The following ROR1 variants were observed in gnomAD, a reference collection of about 807,000 sequenced individuals.
ROR1 encodes the protein inactive tyrosine-protein kinase transmembrane receptor ROR1.
Under a neutral mutation model 78.8 loss-of-function variants are expected in ROR1, and 19 were observed. That is an observed-to-expected ratio of 0.24 (90% CI 0.17 to 0.35). The LOEUF (loss-of-function observed/expected upper bound fraction) is 0.35. Ranked by LOEUF, ROR1 falls within the 10% of genes least tolerant of loss-of-function variation. The pLI is 1.00. For missense variants in ROR1, 917 were observed against 1,177.8 expected, an observed-to-expected ratio of 0.78 and a Z score of 3.24; for synonymous variants, 386 against 433.6, an observed-to-expected ratio of 0.89 and a Z score of 1.36.
At chr1:63,800,436 A>T (rs1644789243) in intron 1 of ROR1, among the ~76,000 whole-genome samples, 1 of 152,202 alleles carries the variant, frequency 6.6e-6, no homozygotes, top group South Asian at 2.1e-4. Flanking sequence ...GGCCCTTAAA[A>T]GATGTGATAC....
At chr1:64,007,030 G>GAA (rs150220538) in intron 1 of ROR1, among the ~76,000 whole-genome samples, 2 of 147,894 alleles carry the variant, frequency 1.4e-5, no homozygotes, top group African/African-American at 5.0e-5. Context: ...GAGGTAAGGT[G>GAA]AAAAAAAAAA....
intron 1 of ROR1, among the ~76,000 whole-genome samples, chr1:63,925,786 G>C (rs1645697956): frequency 6.6e-6 from 1 of 150,884 alleles, no homozygotes; most frequent in South Asian, 2.1e-4. Flanking sequence ...ATTTTTTCAT[G>C]TGTTTTTTGG....
chr1:63,905,300 C>G (rs1645519717), intron 1 of ROR1, among the ~76,000 whole-genome samples: 1 of 152,170 alleles, frequency 6.6e-6, no homozygotes, highest in Admixed American at 6.5e-5. Flanking sequence ...AGTGCATACT[C>G]AGGGATTTAA....
intron 1 of ROR1, among the ~76,000 whole-genome samples, chr1:64,008,727 C>G (rs757197759): frequency 2.6e-5 from 4 of 152,110 alleles, no homozygotes; most frequent in Admixed American, 6.5e-5. Flanking sequence ...CTCCGCCTCC[C>G]AGGTTCAAGC....
intron 8 of ROR1, among the ~76,000 whole-genome samples, chr1:64,159,683 C>T (rs530232444): frequency 3.7e-5 from 5 of 133,840 alleles, no homozygotes; most frequent in Non-Finnish European, 3.4e-5. Context: ...TTTTTTACCA[C>T]GATTTAAAAA....
chr1:64,072,623 C>T (rs757291332), intron 4 of ROR1, among the ~76,000 whole-genome samples: 33 of 152,134 alleles, frequency 2.2e-4, no homozygotes, highest in Non-Finnish European at 3.2e-4. Context: ...ACAGAAACCA[C>T]GCTAGTGTTT....
chr1:63,919,030 C>T (rs149998429), intron 1 of ROR1, among the ~76,000 whole-genome samples: 26 of 152,120 alleles, frequency 1.7e-4, no homozygotes, highest in African/African-American at 6.3e-4. Context: ...AAAAAACTGA[C>T]AAATCTTCCA....
chr1:64,169,509 G>T (rs193123557), intron 8 of ROR1, among the ~76,000 whole-genome samples: 2 of 152,178 alleles, frequency 1.3e-5, no homozygotes, highest in Non-Finnish European at 2.9e-5. Flanking sequence ...CCTCCCACTG[G>T]GTCCCTCCCA....
intron 1 of ROR1, among the ~76,000 whole-genome samples, chr1:63,820,056 G>A (rs751078386): frequency 2.6e-4 from 40 of 152,154 alleles, no homozygotes; most frequent in Non-Finnish European, 5.3e-4. Flanking sequence ...CTTTTAATAA[G>A]GCAAAGGTGG....
At chr1:63,838,201 C>T (rs879260734) in intron 1 of ROR1, among the ~76,000 whole-genome samples, 25 of 152,024 alleles carry the variant, frequency 1.6e-4, no homozygotes, top group South Asian at 6.2e-4. Flanking sequence ...TAGTGGTCTA[C>T]GTATTTACTA....
intron 1 of ROR1, among the ~76,000 whole-genome samples, chr1:63,879,537 A>T (rs1351232977): frequency 6.6e-6 from 1 of 152,140 alleles, no homozygotes; most frequent in East Asian, 1.9e-4. Context: ...CCTTCAAGGT[A>T]TTCTGTGACA....
At chr1:64,100,013 C>T (rs1647460786) in intron 4 of ROR1, among the ~76,000 whole-genome samples, 1 of 152,292 alleles carries the variant, frequency 6.6e-6, no homozygotes. Context: ...CAAGATCACA[C>T]CACTGCAGTC....
At chr1:63,902,483 A>AT (rs147218027) in intron 1 of ROR1, among the ~76,000 whole-genome samples, 7,305 of 149,554 alleles carry the variant, frequency 0.049, 598 homozygotes, top group African/African-American at 0.17. Flanking sequence ...ATGCCCAGCT[A>AT]TTTTTTTTTT....
intron 7 of ROR1, among the ~76,000 whole-genome samples, chr1:64,147,166 G>A (rs1238966141): frequency 6.6e-6 from 1 of 152,176 alleles, no homozygotes; most frequent in Non-Finnish European, 1.5e-5. Flanking sequence ...CTCTATCATA[G>A]TATTACTCAG....
At chr1:64,059,997 TA>T (rs1056699602) in intron 4 of ROR1, among the ~76,000 whole-genome samples, 3 of 39,858 alleles carry the variant, frequency 7.5e-5, no homozygotes, top group Non-Finnish European at 1.5e-4. Flanking sequence ...TAACAAGCGT[TA>T]GTTTTTTTTT....
At chr1:63,969,237 T>C (rs1305601982) in intron 1 of ROR1, among the ~76,000 whole-genome samples, 2 of 152,164 alleles carry the variant, frequency 1.3e-5, no homozygotes, top group East Asian at 1.9e-4. Context: ...TTAATGCCCA[T>C]TGGGGTTGGA....
In ROR1 at chr1:64,178,408, C is replaced by T; in HGVS notation, c.2367C>T (p.Tyr789=). ...SNLSNPRYPN[Y]MFPSQGITPQ... ...TCAGTAACCCCAGATATCCTAATTA[C>T]ATGTTCCCGAGCCAGGGTATTACAC... The change falls in exon 9 of 9, where the codon TAC becomes TAT. Residue 789 remains tyrosine, a synonymous_variant. Transcript: ENST00000371079. This position sits in a 1 kb window ranked among gnomAD's most constrained non-coding sequence, Gnocchi z 4.3. The T allele has an allele frequency of 6.2e-7, 1 of 1,614,206 alleles. No homozygotes were observed. Among genetic ancestry groups the T allele is most frequent in the East Asian group, 2.2e-5 (1 of 44,882 alleles).
At chr1:63,931,113 C>G (rs1645749357) in intron 1 of ROR1, among the ~76,000 whole-genome samples, 1 of 152,120 alleles carries the variant, frequency 6.6e-6, no homozygotes, top group Non-Finnish European at 1.5e-5. Context: ...AAAACCCCAT[C>G]TCCACTAAAA....
intron 4 of ROR1, chr1:64,105,644 G>A (rs1647768858): frequency 6.6e-6 from 1 of 152,164 alleles, no homozygotes; most frequent in Admixed American, 6.6e-5. Context: ...AAGGTATAAG[G>A]AAGGGTGATC....
Sources: gnomAD v4.1 joint callset for allele counts (sites outside exome capture counted in the v4.1 genomes callset) on GRCh38, gnomAD v4.1.1 for gene constraint, Gnocchi (gnomAD v3.1) non-coding constraint, MANE v1.5 for transcripts, NCBI Gene and HGNC (gene_info 2026-07-23, HGNC 2026-07-21) for gene names.